GIPC2: variants seen among roughly 807,000 people sequenced by gnomAD.
GIPC2 encodes GIPC PDZ domain containing family member 2, also known as PDZ domain-containing protein GIPC2.
A neutral mutation model predicts 30.6 loss-of-function variants in GIPC2; 30 were observed. That is an observed-to-expected ratio of 0.98 (90% CI 0.73 to 1.33). The LOEUF (loss-of-function observed/expected upper bound fraction) is 1.33. Ranked by LOEUF, GIPC2 falls within the 40% of genes most tolerant of loss-of-function variation. The pLI, the probability that GIPC2 is intolerant of heterozygous loss-of-function variation, is 0.00. For missense variants in GIPC2, 414 were observed against 390.3 expected (o/e 1.06, Z -0.51); for synonymous variants, 167 against 150.0 (o/e 1.11, Z -0.83).
chr1:78,046,274 C>T lies in GIPC2; in HGVS notation c.180C>T (p.Phe60=). ...HGSATGRVEG[F]SSIQELYAQI... ...GTGCCACGGGCCGAGTGGAGGGCTTCTCCAGCATCCAGGAGCTCTACGCCC... is the reference window on the plus strand; with the variant it reads ...GTGCCACGGGCCGAGTGGAGGGCTTTTCCAGCATCCAGGAGCTCTACGCCC... Residue 60 remains phenylalanine, a synonymous_variant, in exon 1 of 6, where the codon TTC becomes TTT. Transcript: ENST00000370759. 1 of 1,611,974 alleles carries T rather than the reference C, an allele frequency of 6.2e-7. No homozygotes were observed. The highest frequency in any genetic ancestry group is 8.5e-7 in the Non-Finnish European group (1 of 1,179,512).
chr1:78,110,309 AATT>A (rs1199771143), intron 3 of GIPC2, among the ~76,000 whole-genome samples: 5 of 152,348 alleles, frequency 3.3e-5, no homozygotes, highest in African/African-American at 1.2e-4. Context: ...TGTTGACTCT[AATT>A]ATTATTGCTT....
intron 2 of GIPC2, chr1:78,092,933 T>C (rs1419215920): frequency 6.6e-6 from 1 of 152,232 alleles, no homozygotes; most frequent in Non-Finnish European, 1.5e-5. Flanking sequence ...TCTGCAACCC[T>C]AGATTTCTGT....
intron 2 of GIPC2, chr1:78,092,133 A>G (rs1433865437): frequency 5.8e-6 from 5 of 865,618 alleles, no homozygotes; most frequent in Non-Finnish European, 9.6e-6. Flanking sequence ...GGTGTTCAGG[A>G]TGGGAGACAC....
At chr1:78,061,314 C>T (rs1489642019) in intron 1 of GIPC2, among the ~76,000 whole-genome samples, 6 of 152,176 alleles carry the variant, frequency 3.9e-5, no homozygotes, top group African/African-American at 7.2e-5. Context: ...TGAAGGTGGA[C>T]GGCTCTGTCA....
At chr1:78,135,549 G>T in intron 5 of GIPC2, 43 bp from the exon 6 acceptor site, 1 of 1,208,864 alleles carries the variant, frequency 8.3e-7, no homozygotes, top group South Asian at 1.4e-5. Flanking sequence ...GTCCTTTGAT[G>T]CTATTTCATT....
intron 3 of GIPC2, among the ~76,000 whole-genome samples, chr1:78,108,218 C>T (rs1240477953): frequency 1.3e-5 from 2 of 152,040 alleles, no homozygotes; most frequent in Non-Finnish European, 2.9e-5. Context: ...TTTACCTTTC[C>T]AAATTAGAGT....
At chr1:78,077,456 A>G (rs192029565) in intron 1 of GIPC2, among the ~76,000 whole-genome samples, 18 of 152,332 alleles carry the variant, frequency 1.2e-4, no homozygotes, top group Non-Finnish European at 2.1e-4. Flanking sequence ...AGTTATGGAA[A>G]TAGGCAATGA....
At chr1:78,131,253 C>T (rs1662890300) in intron 5 of GIPC2, among the ~76,000 whole-genome samples, 1 of 151,820 alleles carries the variant, frequency 6.6e-6, no homozygotes, top group Admixed American at 6.6e-5. Context: ...GTCGCCCAGG[C>T]TGGAGTGCAG....
chr1:78,058,075 A>G (rs528218551), intron 1 of GIPC2, among the ~76,000 whole-genome samples: 1 of 152,258 alleles, frequency 6.6e-6, no homozygotes, highest in South Asian at 2.1e-4. Context: ...GCCACTCTTA[A>G]TACCTCCTCT....
At chr1:78,045,545 A>C, upstream of GIPC2, 10 of 985,390 alleles carry the variant, frequency 1.0e-5, no homozygotes, top group Non-Finnish European at 1.2e-5. Context: ...GGGTTTATGA[A>C]TACAACGTAG....
chr1:78,095,900 T>TG (rs1662129115), intron 3 of GIPC2, among the ~76,000 whole-genome samples: 1 of 152,198 alleles, frequency 6.6e-6, no homozygotes, highest in Admixed American at 6.5e-5. Context: ...TCACAGAACA[T>TG]AAATATTCCA....
intron 5 of GIPC2, among the ~76,000 whole-genome samples, chr1:78,132,677 G>GTGTGTGTGTGTA (rs1347394726): frequency 1.3e-5 from 2 of 150,610 alleles, no homozygotes; most frequent in Admixed American, 6.9e-5. Context: ...GTGTGTGTGT[G>GTGTGTGTGTGTA]TGTGTGTGTG....
In GIPC2 at chr1:78,080,734, A is replaced by G. The variant is rs761033050; in HGVS notation, c.300A>G (p.Gln100=). 1 of 1,609,294 alleles carries G rather than the reference A, an allele frequency of 6.2e-7. No homozygotes were observed. The highest frequency in any genetic ancestry group is 1.3e-5 in the African/African-American group (1 of 74,968). ...KIDMERLLGG[Q]LGLEDFIFAH... ...ACATGGAAAGACTCTTAGGAGGACA[A>G]CTAGGACTAGAAGATTTCATATTTG... The change falls in exon 2 of 6, where the codon CAA becomes CAG. Residue 100 remains glutamine (Q), a synonymous_variant. Coordinates refer to ENST00000370759, the MANE Select transcript of GIPC2 (RefSeq NM_017655.6).
intron 3 of GIPC2, among the ~76,000 whole-genome samples, chr1:78,098,621 T>G (rs1452838995): frequency 1.3e-5 from 2 of 152,208 alleles, no homozygotes; most frequent in Non-Finnish European, 2.9e-5. Flanking sequence ...AGGAGGCTGT[T>G]ATGGGCTGAA....
chr1:78,046,104 A>G lies in GIPC2; in HGVS notation c.10A>G (p.Lys4Glu), dbSNP rs1195835906. 7 of 1,471,084 alleles carry G rather than the reference A, an allele frequency of 4.8e-6. No homozygotes were observed. Among genetic ancestry groups the G allele is most frequent in the Non-Finnish European group, 6.3e-6 (7 of 1,115,672 alleles). The allele number at this position is 1,471,084 out of a possible 1,614,324, so 91.1% of individuals were successfully genotyped here. ...CTCTCGGCCCTGCAAGATGCCCCTGAAGCTGCGGGGGAAGAAGAAGGCCAA... is the reference window on the plus strand; with the variant it reads ...CTCTCGGCCCTGCAAGATGCCCCTGGAGCTGCGGGGGAAGAAGAAGGCCAA... MPL[K>E]LRGKKKAKSK... The change falls in exon 1 of 6, where the codon AAG (lysine) becomes GAG (glutamate). Residue 4 changes from lysine (K) to glutamate (E), a missense_variant. By Grantham distance (56) the Lys-to-Glu change is moderately conservative (BLOSUM62 1). Transcript: ENST00000370759.
At chr1:78,104,224 C>G (rs2100397140) in intron 3 of GIPC2, among the ~76,000 whole-genome samples, 1 of 152,168 alleles carries the variant, frequency 6.6e-6, no homozygotes, top group East Asian at 1.9e-4. Context: ...TTCAATTAGG[C>G]ATTTCTTACA....
At chr1:78,092,006 A>G (rs1662050604) in intron 2 of GIPC2, 4 of 1,500,708 alleles carry the variant, frequency 2.7e-6, no homozygotes, top group Non-Finnish European at 3.7e-6. Flanking sequence ...CATTTTGTCC[A>G]TAAGTGCTTC....
intron 2 of GIPC2, among the ~76,000 whole-genome samples, chr1:78,093,219 T>C (rs1390958513): frequency 4.6e-5 from 7 of 152,200 alleles, no homozygotes; most frequent in Non-Finnish European, 7.4e-5. Flanking sequence ...TATTTAATAG[T>C]TTTTTCTTCT....
At chr1:78,049,373 CT>C (rs1477208836) in intron 1 of GIPC2, among the ~76,000 whole-genome samples, 3 of 152,174 alleles carry the variant, frequency 2.0e-5, no homozygotes, top group Non-Finnish European at 4.4e-5. Context: ...CCAGGCTGGT[CT>C]TGAATTGATA....
Sources: gnomAD v4.1 joint callset for allele counts (sites outside exome capture counted in the v4.1 genomes callset) on GRCh38, gnomAD v4.1.1 for gene constraint, MANE v1.5 for transcripts, NCBI Gene and HGNC (gene_info 2026-07-23, HGNC 2026-07-21) for gene names.